Variants in HEMK2 observed in about 807,000 individuals in gnomAD.
HEMK2 encodes HemK methyltransferase 2, ETF1 glutamine and histone H4 lysine.
chr21:28,851,267 T>G, the HEMK2 span, among the ~76,000 whole-genome samples: 1 of 152,118 alleles, frequency 6.6e-6, no homozygotes, highest in African/African-American at 2.4e-5. Flanking sequence ...GGCATCCCTA[T>G]CTGCCACCGA....
At chr21:28,881,719 C>A in the HEMK2 span, among the ~76,000 whole-genome samples, 4,999 of 150,486 alleles carry the variant, frequency 0.033, 277 homozygotes, top group African/African-American at 0.12. Context: ...GCAGCCTCAA[C>A]CTCCCAGGGT....
the HEMK2 span, among the ~76,000 whole-genome samples, chr21:28,739,942 T>C: frequency 7.2e-5 from 11 of 152,206 alleles, no homozygotes; most frequent in Non-Finnish European, 1.5e-5. Context: ...AAGAAAGGTC[T>C]ACTTTGTATC....
At chr21:28,578,197 A>C in the HEMK2 span, among the ~76,000 whole-genome samples, 1 of 152,196 alleles carries the variant, frequency 6.6e-6, no homozygotes, top group Admixed American at 6.6e-5. Context: ...CAATATTTAC[A>C]TATAAATTTT....
chr21:28,820,427 A>G, the HEMK2 span, among the ~76,000 whole-genome samples: 10 of 152,164 alleles, frequency 6.6e-5, no homozygotes, highest in African/African-American at 2.4e-4. Context: ...CTGTCAACAG[A>G]CCTCGACAGA....
chr21:28,727,008 T>G, the HEMK2 span, among the ~76,000 whole-genome samples: 1 of 152,198 alleles, frequency 6.6e-6, no homozygotes, highest in Non-Finnish European at 1.5e-5. Context: ...TCAGTACTAG[T>G]TCACAGGGTC....
chr21:28,871,418 T>C, the HEMK2 span, among the ~76,000 whole-genome samples: 1 of 152,160 alleles, frequency 6.6e-6, no homozygotes, highest in African/African-American at 2.4e-5. Context: ...AAGAACTCAC[T>C]ATCACGACAA....
At chr21:28,595,686 T>C in the HEMK2 span, among the ~76,000 whole-genome samples, 1 of 152,238 alleles carries the variant, frequency 6.6e-6, no homozygotes, top group Admixed American at 6.5e-5. Context: ...CTTTTGGGCA[T>C]ATACCCAGCA....
At chr21:28,761,281 G>A in the HEMK2 span, among the ~76,000 whole-genome samples, 1 of 152,020 alleles carries the variant, frequency 6.6e-6, no homozygotes, top group African/African-American at 2.4e-5. Flanking sequence ...ATATATATAT[G>A]CATGTGTTTA....
chr21:28,817,696 G>T, the HEMK2 span, among the ~76,000 whole-genome samples: 47 of 152,304 alleles, frequency 3.1e-4, no homozygotes, highest in East Asian at 8.3e-3. Flanking sequence ...CTGATGGAGT[G>T]AAGAAAATTT....
At chr21:28,882,344 G>C in the HEMK2 span, 2 of 906,066 alleles carry the variant, frequency 2.2e-6, no homozygotes, top group Non-Finnish European at 3.4e-6. Flanking sequence ...ATTCTACACA[G>C]AACAGATTTA....
the HEMK2 span, among the ~76,000 whole-genome samples, chr21:28,576,861 C>T: frequency 6.6e-6 from 1 of 152,120 alleles, no homozygotes; most frequent in Non-Finnish European, 1.5e-5. Context: ...GAGGCGCCTG[C>T]CACCATACCT....
chr21:28,838,869 G>A, the HEMK2 span, among the ~76,000 whole-genome samples: 1 of 145,422 alleles, frequency 6.9e-6, no homozygotes, highest in Non-Finnish European at 1.5e-5. Flanking sequence ...AACCTGGGAG[G>A]CAGAGGTTGT....
the HEMK2 span, among the ~76,000 whole-genome samples, chr21:28,841,006 A>ATATATATAATATATAAATAAATAT: frequency 7.0e-5 from 8 of 114,428 alleles, no homozygotes; most frequent in African/African-American, 1.6e-4. Flanking sequence ...TATATATATT[A>ATATATATAATATATAAATAAATAT]TATATATAAT....
the HEMK2 span, among the ~76,000 whole-genome samples, chr21:28,673,829 A>C: frequency 6.8e-6 from 1 of 148,022 alleles, no homozygotes; most frequent in Admixed American, 6.7e-5. Flanking sequence ...TTTCTCTTGC[A>C]TTATAATCAA....
At chr21:28,826,021 T>C in the HEMK2 span, among the ~76,000 whole-genome samples, 2 of 152,214 alleles carry the variant, frequency 1.3e-5, no homozygotes, top group African/African-American at 2.4e-5. Flanking sequence ...CAAGAGAGGA[T>C]AAAAGGGCAC....
chr21:28,602,564 C>T, the HEMK2 span, among the ~76,000 whole-genome samples: 6 of 152,120 alleles, frequency 3.9e-5, no homozygotes, highest in Non-Finnish European at 8.8e-5. Context: ...TATGAATGCA[C>T]AATTGTAACT....
At chr21:28,803,736 T>C in the HEMK2 span, among the ~76,000 whole-genome samples, 1 of 152,224 alleles carries the variant, frequency 6.6e-6, no homozygotes, top group African/African-American at 2.4e-5. Context: ...TTTCTGTTCC[T>C]TACCTCATTT....
chr21:28,676,116 G>C, the HEMK2 span, among the ~76,000 whole-genome samples: 1 of 152,198 alleles, frequency 6.6e-6, no homozygotes, highest in Admixed American at 6.5e-5. Flanking sequence ...AACTGCCCTG[G>C]TGTATGGTTT....
chr21:28,626,154 T>C, the HEMK2 span, among the ~76,000 whole-genome samples: 2 of 151,390 alleles, frequency 1.3e-5, no homozygotes, highest in Admixed American at 1.3e-4. Context: ...CATTAAATGG[T>C]GGACTTTTTA....
Sources: gnomAD v4.1 joint callset for allele counts (sites outside exome capture counted in the v4.1 genomes callset) on GRCh38, gnomAD v4.1.1 for gene constraint, MANE v1.5 for transcripts, NCBI Gene and HGNC (gene_info 2026-07-23, HGNC 2026-07-21) for gene names.